Variants in SPTBN1 observed in about 807,000 individuals in gnomAD.
SPTBN1 encodes the protein spectrin beta, non-erythrocytic 1, also known as spectrin beta chain, non-erythrocytic 1.
SPTBN1 carries 32 observed loss-of-function variants against 266.4 expected under a neutral mutation model. The observed-to-expected ratio is 0.12, with a 90% CI of 0.09 to 0.16. The LOEUF (loss-of-function observed/expected upper bound fraction) is 0.16. Ranked by LOEUF, SPTBN1 falls within the 10% of genes least tolerant of loss-of-function variation. The probability of loss-of-function intolerance (pLI) is 1.00; values close to 1 mark genes in which losing one functional copy is unlikely to be tolerated. For synonymous variants in SPTBN1, 1,336 were observed against 1,162.2 expected (o/e 1.15, Z -3.04); for missense variants, 2,296 against 3,067.1 (o/e 0.75, Z 5.94).
At position 54,581,952 on chromosome 2, in the gene SPTBN1, G is replaced by A. The variant is rs565572170; in HGVS notation, c.149-17140G>A. On this transcript the variant is annotated intron_variant, in intron 2 of 35. Coordinates refer to ENST00000356805, the MANE Select transcript of SPTBN1 (RefSeq NM_003128.3). Reference sequence around the variant, plus strand: ...ACAACAGGCACTTCATTCTTCTGTAGCTGCAGACATGCTGCTCTGTGGTTT... The same window carrying A: ...ACAACAGGCACTTCATTCTTCTGTAACTGCAGACATGCTGCTCTGTGGTTT... 1.8e-4 allele frequency among the ~76,000 whole-genome samples: 28 copies of A among 152,100 alleles called. No homozygotes were observed. In the South Asian group the frequency reaches 4.2e-3, roughly 23 times the overall value.
chr2:54,573,238 C>T (rs1674213414), intron 2 of SPTBN1, among the ~76,000 whole-genome samples: 1 of 152,130 alleles, frequency 6.6e-6, no homozygotes, highest in Non-Finnish European at 1.5e-5. Context: ...TTTTTGGCAC[C>T]AGGGACTGGT....
At chr2:54,616,403 T>C (rs998197018) in intron 5 of SPTBN1, 105 bp downstream of exon 5, 2 of 914,838 alleles carry the variant, frequency 2.2e-6, no homozygotes, top group African/African-American at 1.7e-5. Context: ...ACTGCTTCCA[T>C]TGGGAAGTCT....
intron 1 of SPTBN1, among the ~76,000 whole-genome samples, chr2:54,478,623 A>C (rs543301694): frequency 2.6e-4 from 39 of 152,326 alleles, no homozygotes; most frequent in Admixed American, 1.1e-3. Context: ...TATTGCTGTT[A>C]ACAGATATGT....
intron 4 of SPTBN1, 118 bp from the exon 5 acceptor site, chr2:54,616,089 C>G (rs1201847011): frequency 2.6e-6 from 2 of 754,966 alleles, no homozygotes; most frequent in Non-Finnish European, 4.1e-6. Context: ...GGTAGATCGT[C>G]TGCAGGGCAA....
chr2:54,456,930 G>GAGCAGAC (rs753182697), intron 1 of SPTBN1, among the ~76,000 whole-genome samples: 1 of 150,390 alleles, frequency 6.6e-6, no homozygotes, highest in Non-Finnish European at 1.5e-5. Flanking sequence ...GGTGGGTGCG[G>GAGCAGAC]AGCGGACAGC....
chr2:54,602,073 A>C (rs751496241), intron 3 of SPTBN1, among the ~76,000 whole-genome samples: 15 of 152,314 alleles, frequency 9.8e-5, no homozygotes, highest in Middle Eastern at 3.4e-3. Flanking sequence ...TAGAGCAGTG[A>C]GAAGGCTGAG....
intron 1 of SPTBN1, among the ~76,000 whole-genome samples, chr2:54,478,685 G>C (rs1257077690): frequency 6.6e-6 from 1 of 152,112 alleles, no homozygotes; most frequent in Non-Finnish European, 1.5e-5. Context: ...ACCTTGAAAG[G>C]CATCTTACTT....
chr2:54,592,685 A>G (rs1271268218), intron 2 of SPTBN1, among the ~76,000 whole-genome samples: 1 of 152,244 alleles, frequency 6.6e-6, no homozygotes, highest in Non-Finnish European at 1.5e-5. Context: ...CAACGCGCCC[A>G]GCTACCTCAT....
chr2:54,554,683 T>A lies in SPTBN1; in HGVS notation c.148+28117T>A, dbSNP rs1192290979. On this transcript the variant is annotated intron_variant, in intron 2 of 35. Coordinates refer to ENST00000356805, the MANE Select transcript of SPTBN1 (RefSeq NM_003128.3). This position sits in a 1 kb window ranked among gnomAD's most constrained non-coding sequence, Gnocchi z 4.5. The stretch of plus-strand genomic sequence containing the variant: ...ACATAGCTCCTTGGTACTCAGAAAT[T>A]AGGGTAAGCCTGAGTCCCTGACTCT... Among the ~76,000 whole-genome samples, 2 of 152,132 alleles carry A rather than the reference T, an allele frequency of 1.3e-5. No homozygotes were observed. Among genetic ancestry groups the A allele is most frequent in the African/African-American group, 4.8e-5 (2 of 41,406 alleles).
At chr2:54,482,022 G>T (rs1668126942) in intron 1 of SPTBN1, among the ~76,000 whole-genome samples, 1 of 152,130 alleles carries the variant, frequency 6.6e-6, no homozygotes, top group African/African-American at 2.4e-5. Context: ...TGCTATTGAT[G>T]AGCCTGAGGT....
intron 3 of SPTBN1, among the ~76,000 whole-genome samples, chr2:54,609,866 A>G (rs75918641): frequency 0.034 from 5,151 of 151,538 alleles, 130 homozygotes; most frequent in African/African-American, 0.072. Flanking sequence ...GGCAGCTGGT[A>G]TTTATTTTTT....
intron 26 of SPTBN1, among the ~76,000 whole-genome samples, chr2:54,651,021 G>A (rs529279031): frequency 1.3e-5 from 2 of 152,246 alleles, no homozygotes; most frequent in African/African-American, 4.8e-5. Flanking sequence ...CTAAGCTTTG[G>A]TTCCCTAATA....
At chr2:54,596,636 G>C (rs1017316401) in intron 2 of SPTBN1, among the ~76,000 whole-genome samples, 1 of 152,170 alleles carries the variant, frequency 6.6e-6, no homozygotes, top group Non-Finnish European at 1.5e-5. Context: ...GAGTTCGAAG[G>C]GAGGGGAACA....
At chr2:54,621,168 A>T (rs2103864150) in intron 7 of SPTBN1, among the ~76,000 whole-genome samples, 1 of 152,156 alleles carries the variant, frequency 6.6e-6, no homozygotes, top group East Asian at 1.9e-4. Flanking sequence ...GGAGAGGAGG[A>T]ACTATGTGTC....
intron 2 of SPTBN1, among the ~76,000 whole-genome samples, chr2:54,530,085 C>T (rs1164530456): frequency 6.6e-6 from 1 of 152,028 alleles, no homozygotes; most frequent in African/African-American, 2.4e-5. Flanking sequence ...ATCACATTTC[C>T]TGTGTCCCTC....
In SPTBN1 at chr2:54,612,185, C is replaced by T; in HGVS notation, c.325C>T (p.Arg109Cys). Reference protein sequence around the residue: ...RLPKPTKGRMRIHCLENVDKA... With the variant: ...RLPKPTKGRMCIHCLENVDKA... ...GCCTAAACCCACCAAGGGACGAATG[C>T]GCATCCACTGCTTAGAGAATGTGGA... Residue 109 changes from arginine (R) to cysteine (C), a missense_variant, in exon 4 of 36, where the codon CGC becomes TGC. By Grantham distance (180) the Arg-to-Cys change is radical (BLOSUM62 -3). Transcript: ENST00000356805. The T allele has an allele frequency of 6.2e-7, 1 of 1,608,734 alleles. No homozygotes were observed. The highest frequency in any genetic ancestry group is 8.5e-7 in the Non-Finnish European group (1 of 1,176,574).
chr2:54,502,960 T>C (rs548225245), intron 1 of SPTBN1, among the ~76,000 whole-genome samples: 1 of 152,310 alleles, frequency 6.6e-6, no homozygotes, highest in Non-Finnish European at 1.5e-5. Context: ...CACTCGAGGC[T>C]ACTGCCATGT....
chr2:54,493,770 A>G (rs1668817957), intron 1 of SPTBN1, among the ~76,000 whole-genome samples: 1 of 152,218 alleles, frequency 6.6e-6, no homozygotes, highest in South Asian at 2.1e-4. Flanking sequence ...GCCAACATAG[A>G]TATTTGCAGG....
At chr2:54,584,408 T>C (rs908545325) in intron 2 of SPTBN1, among the ~76,000 whole-genome samples, 3 of 152,250 alleles carry the variant, frequency 2.0e-5, no homozygotes, top group Admixed American at 1.3e-4. Context: ...AAAACAAATA[T>C]CTATAGATGT....
Sources: allele counts gnomAD v4.1 joint callset (sites outside exome capture counted in the v4.1 genomes callset), GRCh38; gene constraint gnomAD v4.1.1; non-coding constraint Gnocchi (gnomAD v3.1); transcripts MANE v1.5; gene names NCBI Gene and HGNC (gene_info 2026-07-23, HGNC 2026-07-21).